MAPKAP1: variants seen among roughly 807,000 people sequenced by gnomAD.
MAPKAP1 encodes MAPK associated protein 1.
In MAPKAP1, 20 loss-of-function variants were observed where a neutral mutation model predicts 65.7. The observed-to-expected ratio is 0.30, with a 90% CI of 0.21 to 0.44. MAPKAP1 has a LOEUF of 0.44. MAPKAP1 is among the 20% of genes least tolerant of loss of function. The pLI, the probability that MAPKAP1 is intolerant of heterozygous loss-of-function variation, is 1.00. For missense variants in MAPKAP1, 423 were observed against 648.0 expected (o/e 0.65, Z 3.77); for synonymous variants, 222 against 244.3 (o/e 0.91, Z 0.85).
chr9:125,558,670 GAGA>G (rs1830807771), intron 6 of MAPKAP1, among the ~76,000 whole-genome samples: 1 of 152,176 alleles, frequency 6.6e-6, no homozygotes, highest in South Asian at 2.1e-4. Flanking sequence ...AGACAGCCAT[GAGA>G]AGGACTGCTG....
rs1426512907 is a variant in MAPKAP1 at position 125,447,060 on chromosome 9, C to G, written c.1346-2462G>C. On this transcript the variant is annotated intron_variant, in intron 10 of 11. Coordinates refer to ENST00000265960, the MANE Select transcript of MAPKAP1 (RefSeq NM_001006617.3). The surrounding 1 kb of genome is among the most constrained non-coding windows in gnomAD (Gnocchi z 4.5). ...GGCCTGTGGTTCATCTGCACAGTCA[C>G]GTGAAAAAAACAAAAAAATCATACC... Among the ~76,000 whole-genome samples, 4 of 152,086 alleles carry G rather than the reference C, an allele frequency of 2.6e-5. No homozygotes were observed. The highest frequency in any genetic ancestry group is 4.4e-5 in the Non-Finnish European group (3 of 67,998).
intron 7 of MAPKAP1, among the ~76,000 whole-genome samples, chr9:125,533,022 A>T (rs1297519273): frequency 1.3e-5 from 2 of 152,222 alleles, no homozygotes; most frequent in African/African-American, 4.8e-5. Context: ...TCAAAGGGCC[A>T]GCAGGCAAAC....
intron 8 of MAPKAP1, among the ~76,000 whole-genome samples, chr9:125,491,596 G>A (rs1180290711): frequency 6.6e-6 from 1 of 151,710 alleles, no homozygotes; most frequent in African/African-American, 2.4e-5. Flanking sequence ...GGGCAACATG[G>A]CAAAACCCCA....
intron 8 of MAPKAP1, among the ~76,000 whole-genome samples, chr9:125,504,626 T>C (rs753831957): frequency 5.9e-5 from 9 of 151,748 alleles, no homozygotes; most frequent in Non-Finnish European, 1.2e-4. Flanking sequence ...AAATAAAAAA[T>C]AAAAATAAAA....
intron 4 of MAPKAP1, among the ~76,000 whole-genome samples, chr9:125,602,483 C>G (rs963666647): frequency 7.2e-5 from 11 of 152,028 alleles, no homozygotes; most frequent in African/African-American, 2.7e-4. Flanking sequence ...ACTGAGGGGA[C>G]AGCAAGATCC....
At chr9:125,644,006 T>C (rs1383620384) in intron 4 of MAPKAP1, among the ~76,000 whole-genome samples, 1 of 152,176 alleles carries the variant, frequency 6.6e-6, no homozygotes, top group African/African-American at 2.4e-5. Context: ...AAATATCAAG[T>C]CTTAAATTTA....
At chr9:125,575,112 G>A (rs976709463) in intron 5 of MAPKAP1, among the ~76,000 whole-genome samples, 1 of 152,196 alleles carries the variant, frequency 6.6e-6, no homozygotes, top group South Asian at 2.1e-4. Flanking sequence ...AGTACTTTGG[G>A]AGACTGAGGC....
intron 4 of MAPKAP1, among the ~76,000 whole-genome samples, chr9:125,599,460 T>C (rs1282196997): frequency 1.3e-5 from 2 of 152,202 alleles, no homozygotes; most frequent in South Asian, 2.1e-4. Flanking sequence ...CACCCTTTCA[T>C]ATACCTAGTA....
intron 4 of MAPKAP1, among the ~76,000 whole-genome samples, chr9:125,603,082 T>TTTCTTTCTTTC (rs1564578212): frequency 4.8e-5 from 7 of 144,572 alleles, no homozygotes; most frequent in African/African-American, 1.9e-4. Flanking sequence ...TTCTTTCTTT[T>TTTCTTTCTTTC]TTTTTTATAG....
chr9:125,691,541 T>A (rs1835170767), intron 1 of MAPKAP1, among the ~76,000 whole-genome samples: 1 of 151,998 alleles, frequency 6.6e-6, no homozygotes, highest in Non-Finnish European at 1.5e-5. Flanking sequence ...TTGGGAGACA[T>A]CAACATGTAA....
chr9:125,695,709 C>T (rs894627870), intron 1 of MAPKAP1, among the ~76,000 whole-genome samples: 1 of 151,734 alleles, frequency 6.6e-6, no homozygotes, highest in African/African-American at 2.4e-5. Flanking sequence ...CTTAACTGTA[C>T]AAGCTGAAAC....
intron 4 of MAPKAP1, among the ~76,000 whole-genome samples, chr9:125,632,066 A>C (rs545629697): frequency 1.3e-5 from 2 of 151,982 alleles, no homozygotes; most frequent in East Asian, 3.9e-4. Flanking sequence ...CTAAAAATAC[A>C]AAAAAATTAG....
rs145808291 is a variant in MAPKAP1 at position 125,494,887 on chromosome 9, G to A, written c.1067-10304C>T. Among the ~76,000 whole-genome samples, 485 of 152,210 alleles carry A rather than the reference G, an allele frequency of 3.2e-3. 2 individuals carry two copies. The highest frequency in any genetic ancestry group is 6.8e-3 in the Middle Eastern group (2 of 294). ...TGATCACAATTGTGTGCTCTATAAC[G>A]TGGGGCTAAGTCTCAGCACAGTGGC... is the stretch of plus-strand genomic sequence containing the variant. On this transcript the variant is annotated intron_variant, in intron 8 of 11. Transcript: ENST00000265960.
chr9:125,450,497 T>A (rs1414360392), intron 10 of MAPKAP1, among the ~76,000 whole-genome samples: 1 of 152,212 alleles, frequency 6.6e-6, no homozygotes. Context: ...ACAATTTCTA[T>A]AACCACCGTT....
At chr9:125,569,390 G>A (rs994627292) in intron 5 of MAPKAP1, among the ~76,000 whole-genome samples, 1 of 152,148 alleles carries the variant, frequency 6.6e-6, no homozygotes, top group Non-Finnish European at 1.5e-5. Context: ...TCACAGTGGC[G>A]GTCCGGGTTC....
chr9:125,520,534 C>T (rs1054599494), intron 7 of MAPKAP1, among the ~76,000 whole-genome samples: 2 of 152,104 alleles, frequency 1.3e-5, no homozygotes, highest in African/African-American at 4.8e-5. Flanking sequence ...CTGTTTTTTC[C>T]CACTCAAGGA....
intron 7 of MAPKAP1, among the ~76,000 whole-genome samples, chr9:125,539,652 C>T (rs548793): frequency 0.51 from 77,953 of 152,028 alleles, 20,716 homozygotes; most frequent in East Asian, 0.67. Flanking sequence ...CACTAAATAA[C>T]AGCTTAGTAT....
chr9:125,522,470 G>T (rs1272962451), intron 7 of MAPKAP1, among the ~76,000 whole-genome samples: 1 of 152,176 alleles, frequency 6.6e-6, no homozygotes, highest in Non-Finnish European at 1.5e-5. Context: ...GGCCTCTAAG[G>T]ACTTGGCATA....
At chr9:125,620,780 T>A (rs1025624935) in intron 4 of MAPKAP1, among the ~76,000 whole-genome samples, 3 of 152,140 alleles carry the variant, frequency 2.0e-5, no homozygotes, top group African/African-American at 2.4e-5. Flanking sequence ...ATGCTACATG[T>A]TGTGTAAAAG....
Sources: allele counts gnomAD v4.1 joint callset (sites outside exome capture counted in the v4.1 genomes callset), GRCh38; gene constraint gnomAD v4.1.1; non-coding constraint Gnocchi (gnomAD v3.1); transcripts MANE v1.5; gene names NCBI Gene and HGNC (gene_info 2026-07-23, HGNC 2026-07-21).